UNC13C: variants seen among roughly 807,000 people sequenced by gnomAD.
UNC13C encodes unc-13 homolog C.
Under a neutral mutation model 245.4 loss-of-function variants are expected in UNC13C, and 174 were observed. That is an observed-to-expected ratio of 0.71 (90% CI 0.63 to 0.80). The LOEUF is 0.80. Among genes scored for constraint, UNC13C ranks in the 30% least tolerant of loss-of-function variants. UNC13C has a pLI of 0.00. For synonymous variants in UNC13C, 992 were observed against 895.1 expected, an observed-to-expected ratio of 1.11 and a Z score of -1.93; for missense variants, 2,829 against 2,602.9, an observed-to-expected ratio of 1.09 and a Z score of -1.89.
At chr15:54,434,527 C>G (rs1161276624) in intron 19 of UNC13C, among the ~76,000 whole-genome samples, 1 of 151,972 alleles carries the variant, frequency 6.6e-6, no homozygotes, top group Non-Finnish European at 1.5e-5. Context: ...AACTGGCTAG[C>G]CATATGCAGA....
intron 2 of UNC13C, among the ~76,000 whole-genome samples, chr15:54,071,872 T>A (rs984266564): frequency 6.6e-6 from 1 of 152,160 alleles, no homozygotes; most frequent in African/African-American, 2.4e-5. Context: ...AGGAAAAGAT[T>A]CCTGACCCCT....
rs913372230 is a variant in UNC13C, at chr15:54,476,355, T to C, written c.4934-18253T>C. Among the ~76,000 whole-genome samples, 1,027 of 147,412 alleles carry C rather than the reference T, an allele frequency of 7.0e-3. 10 individuals are homozygous for C. Among genetic ancestry groups the C allele is most frequent in the African/African-American group, 0.024 (956 of 39,906 alleles). On this transcript the variant is annotated intron_variant, in intron 19 of 32. Coordinates refer to ENST00000260323, the MANE Select transcript of UNC13C (RefSeq NM_001080534.3). ...ATTTTGGCTTTTGTTGCCATTGCTT[T>C]TGGTGTTTTGGACATGAAGTCCTTG... is the stretch of plus-strand genomic sequence containing the variant.
chr15:54,159,891 G>A (rs1403019689), intron 4 of UNC13C, among the ~76,000 whole-genome samples: 1 of 152,208 alleles, frequency 6.6e-6, no homozygotes, highest in Non-Finnish European at 1.5e-5. Flanking sequence ...GAAGGCAGGG[G>A]AAGAGTAATA....
rs779113257 is a variant in UNC13C at position 54,268,536 on chromosome 15, A to G, written c.3818+3040A>G. On this transcript the variant is annotated intron_variant, in intron 10 of 32. Coordinates refer to ENST00000260323, the MANE Select transcript of UNC13C (RefSeq NM_001080534.3). ...CAAATGTTACTTTGTTGCTTGCTGG[A>G]TATCGTAGCATCCTATAGGTATTAT... is the stretch of plus-strand genomic sequence containing the variant. Among the ~76,000 whole-genome samples the G allele has an allele frequency of 2.6e-4, 39 of 152,016 alleles. 1 individual carries two copies. Among genetic ancestry groups the G allele is most frequent in the Non-Finnish European group, 5.1e-4 (35 of 67,974 alleles).
At chr15:54,587,222 CT>C (rs912928504) in intron 30 of UNC13C, among the ~76,000 whole-genome samples, 2 of 152,016 alleles carry the variant, frequency 1.3e-5, no homozygotes, top group African/African-American at 4.8e-5. Context: ...TAGGTTTCAA[CT>C]TAGATTTCAA....
chr15:54,002,200 G>A (rs1420102647), intron 1 of UNC13C, among the ~76,000 whole-genome samples: 1 of 152,064 alleles, frequency 6.6e-6, no homozygotes, highest in Admixed American at 6.5e-5. Context: ...GCAGGAGAAT[G>A]GTGTGAACCT....
chr15:53,955,907 G>A, the UNC13C span: 1 of 152,174 alleles, frequency 6.6e-6, no homozygotes, highest in Non-Finnish European at 1.5e-5. Flanking sequence ...ATTCTCAATA[G>A]CAAAGACATG....
chr15:54,389,793 A>G (rs1383883851), intron 17 of UNC13C, among the ~76,000 whole-genome samples: 1 of 151,704 alleles, frequency 6.6e-6, no homozygotes, highest in African/African-American at 2.4e-5. Flanking sequence ...CAGTGGCACA[A>G]TCTTGGCTCA....
At chr15:53,905,741 A>T in the UNC13C span, among the ~76,000 whole-genome samples, 1 of 151,998 alleles carries the variant, frequency 6.6e-6, no homozygotes, top group Admixed American at 6.6e-5. Flanking sequence ...CTACACTTGA[A>T]ATTTGCTGAG....
At chr15:54,054,683 A>G (rs943085195) in intron 2 of UNC13C, among the ~76,000 whole-genome samples, 1 of 152,052 alleles carries the variant, frequency 6.6e-6, no homozygotes, top group African/African-American at 2.4e-5. Flanking sequence ...TATGTTGACT[A>G]TTTTCAACTA....
intron 19 of UNC13C, among the ~76,000 whole-genome samples, chr15:54,430,644 A>G (rs1168013635): frequency 6.6e-6 from 1 of 151,728 alleles, no homozygotes; most frequent in Non-Finnish European, 1.5e-5. Flanking sequence ...ATTGCTGTTA[A>G]AGGAGTTATC....
chr15:53,914,268 T>A, the UNC13C span: 2 of 152,270 alleles, frequency 1.3e-5, no homozygotes, highest in South Asian at 4.2e-4. Context: ...TCCAAGCGAG[T>A]TTGGTGCGTG....
At chr15:54,455,164 C>CT (rs1891404906) in intron 19 of UNC13C, among the ~76,000 whole-genome samples, 1 of 17,516 alleles carries the variant, frequency 5.7e-5, no homozygotes, top group Non-Finnish European at 1.1e-4. Context: ...GAGTCATATT[C>CT]CTCTCTCTCT....
intron 17 of UNC13C, among the ~76,000 whole-genome samples, chr15:54,380,008 C>T (rs965547067): frequency 2.0e-5 from 3 of 152,012 alleles, no homozygotes; most frequent in African/African-American, 7.2e-5. Context: ...TATATCTATT[C>T]TCTTAGCATT....
intron 18 of UNC13C, among the ~76,000 whole-genome samples, chr15:54,407,197 C>G (rs1298682139): frequency 6.6e-6 from 1 of 151,874 alleles, no homozygotes; most frequent in Non-Finnish European, 1.5e-5. Flanking sequence ...GAAGATGTAT[C>G]AGAAGAGGGA....
chr15:54,533,517 T>A (rs903746338), intron 26 of UNC13C, among the ~76,000 whole-genome samples: 1 of 152,214 alleles, frequency 6.6e-6, no homozygotes, highest in Non-Finnish European at 1.5e-5. Context: ...GATAGCTGCC[T>A]GACCCAACCT....
chr15:54,234,167 C>A (rs968653824), intron 4 of UNC13C, among the ~76,000 whole-genome samples: 3 of 151,800 alleles, frequency 2.0e-5, no homozygotes, highest in Non-Finnish European at 4.4e-5. Flanking sequence ...TTATCAATTT[C>A]ATAATTATTT....
At chr15:53,879,650 A>T in the UNC13C span, among the ~76,000 whole-genome samples, 1 of 151,884 alleles carries the variant, frequency 6.6e-6, no homozygotes, top group Non-Finnish European at 1.5e-5. Flanking sequence ...GTGCGGTGGC[A>T]CTATCTCAGC....
chr15:54,402,021 A>C (rs2040197187), intron 18 of UNC13C, among the ~76,000 whole-genome samples: 1 of 151,784 alleles, frequency 6.6e-6, no homozygotes, highest in South Asian at 2.1e-4. Flanking sequence ...ATGAAATGAC[A>C]CATGTATTTC....
Sources: gnomAD v4.1 joint callset for allele counts (sites outside exome capture counted in the v4.1 genomes callset) on GRCh38, gnomAD v4.1.1 for gene constraint, MANE v1.5 for transcripts, NCBI Gene and HGNC (gene_info 2026-07-23, HGNC 2026-07-21) for gene names.